Variants in TMED3 observed in about 807,000 individuals in gnomAD.
TMED3 encodes transmembrane p24 trafficking protein 3.
Under a neutral mutation model 15.0 loss-of-function variants are expected in TMED3, and 9 were observed. The ratio of observed to expected loss-of-function variants is 0.60; its 90% confidence interval spans 0.36 to 1.04. The LOEUF (loss-of-function observed/expected upper bound fraction) is 1.04, where lower values mean the gene tolerates loss of function less well. Among genes scored for constraint, TMED3 ranks in the 50% least tolerant of loss-of-function variants. TMED3 has a pLI of 0.01. For missense variants in TMED3, 267 were observed against 278.9 expected (o/e 0.96, Z 0.30); for synonymous variants, 117 against 121.4 (o/e 0.96, Z 0.24).
intron 2 of TMED3, among the ~76,000 whole-genome samples, chr15:79,362,946 G>A (rs1893160403): frequency 6.6e-6 from 1 of 152,162 alleles, no homozygotes; most frequent in South Asian, 2.1e-4. Flanking sequence ...AAAAAAGAGG[G>A]ATAAGATAAT....
chr15:79,331,334 C>G (rs2058807308), intron 2 of TMED3, among the ~76,000 whole-genome samples: 2 of 152,044 alleles, frequency 1.3e-5, no homozygotes, highest in Admixed American at 1.3e-4. Flanking sequence ...ATAAATGGTG[C>G]TGAAAAAACT....
chr15:79,384,358 A>G (rs1507676), intron 2 of TMED3: 147,171 of 152,324 alleles, frequency 0.97, 71,326 homozygotes, highest in East Asian at 1. Flanking sequence ...TGTAAATGCC[A>G]CAAGTAAAGG....
chr15:79,364,085 T>G (rs1272416802), intron 2 of TMED3, among the ~76,000 whole-genome samples: 1 of 152,180 alleles, frequency 6.6e-6, no homozygotes, highest in Non-Finnish European at 1.5e-5. Flanking sequence ...TGGAGTAGTA[T>G]TTTTTAAGCA....
chr15:79,323,773 A>T (rs2058777480), downstream of TMED3, among the ~76,000 whole-genome samples: 1 of 152,198 alleles, frequency 6.6e-6, no homozygotes, highest in African/African-American at 2.4e-5. Context: ...AGGTTCTTTC[A>T]ACCTTAAAAA....
chr15:79,355,174 A>T (rs1043730169), intron 2 of TMED3, among the ~76,000 whole-genome samples: 2 of 152,202 alleles, frequency 1.3e-5, no homozygotes, highest in Admixed American at 6.5e-5. Flanking sequence ...CCAATTAAGT[A>T]ACTCCAAAAC....
intron 2 of TMED3, among the ~76,000 whole-genome samples, chr15:79,398,185 A>C (rs1893786818): frequency 6.6e-6 from 1 of 151,890 alleles, no homozygotes. Context: ...TGATTTCTTT[A>C]CTGTCTCCAT....
Position 79,311,845 on chromosome 15 carries a change from T to C in TMED3, c.168+428T>C, listed in dbSNP as rs113158891. On this transcript the variant is annotated intron_variant, in intron 1 of 2. Transcript: ENST00000299705. The stretch of plus-strand genomic sequence containing the variant: ...GCAAGAGGAAGTGGGCTCATAGTTT[T>C]AGTTTATTCCTCCCCTCTCCAGCGT... Among the ~76,000 whole-genome samples, 63 of 152,308 alleles carry C rather than the reference T, an allele frequency of 4.1e-4. 1 individual carries two copies. The highest frequency in any genetic ancestry group is 1.4e-3 in the African/African-American group (58 of 41,570).
chr15:79,388,533 C>T (rs577413753), intron 2 of TMED3, among the ~76,000 whole-genome samples: 1 of 152,118 alleles, frequency 6.6e-6, no homozygotes, highest in East Asian at 1.9e-4. Flanking sequence ...CATGATTTTG[C>T]AATTGCAAAT....
intron 2 of TMED3, among the ~76,000 whole-genome samples, chr15:79,338,833 G>A (rs1225349634): frequency 6.6e-6 from 1 of 152,150 alleles, no homozygotes; most frequent in Non-Finnish European, 1.5e-5. Flanking sequence ...GAAGACACCC[G>A]TTGCCAGGCG....
At chr15:79,314,027 G>A (rs575293289) in intron 2 of TMED3, 22 bp downstream of exon 2, 39 of 1,613,198 alleles carry the variant, frequency 2.4e-5, no homozygotes, top group African/African-American at 4.0e-5. Context: ...TTAGCAGTTC[G>A]GGGCTGCTGA....
intron 2 of TMED3, among the ~76,000 whole-genome samples, chr15:79,410,037 C>T (rs1381515399): frequency 6.6e-6 from 1 of 151,858 alleles, no homozygotes; most frequent in African/African-American, 2.4e-5. Context: ...TTCACTACAC[C>T]CTATGCTCCT....
At chr15:79,355,391 G>T (rs900374476) in intron 2 of TMED3, among the ~76,000 whole-genome samples, 3 of 152,176 alleles carry the variant, frequency 2.0e-5, no homozygotes, top group African/African-American at 7.2e-5. Context: ...CCGTAGGTTA[G>T]GTGGCTGGGC....
chr15:79,400,090 G>A (rs1221492794), intron 2 of TMED3, among the ~76,000 whole-genome samples: 4 of 152,160 alleles, frequency 2.6e-5, no homozygotes, highest in African/African-American at 9.7e-5. Flanking sequence ...TCTCACTGAG[G>A]TCTAGCTAAA....
At chr15:79,318,569 T>C (rs2058750807) in intron 2 of TMED3, among the ~76,000 whole-genome samples, 1 of 152,228 alleles carries the variant, frequency 6.6e-6, no homozygotes, top group African/African-American at 2.4e-5. Context: ...TGTTACCAAG[T>C]CTGCCTGTAT....
intron 2 of TMED3, among the ~76,000 whole-genome samples, chr15:79,321,092 T>C (rs1384611718): frequency 5.9e-5 from 9 of 152,362 alleles, no homozygotes; most frequent in Non-Finnish European, 1.2e-4. Context: ...GCTTCAGAAC[T>C]GTCTTGACTT....
chr15:79,322,195 G>A lies in TMED3; in HGVS notation c.635G>A (p.Ser212Asn). 1 of 1,613,936 alleles carries A rather than the reference G, an allele frequency of 6.2e-7. No individual in the cohort carries two copies. The highest frequency in any genetic ancestry group is 2.2e-5 in the East Asian group (1 of 44,874). ...TTCTTCACAGAAAAACGACCCATCA[G>A]CAGGGCAGTCCACTCCTAGCCCCGG... The part of the protein sequence containing the change: ...KSFFTEKRPI[S>N]RAVHS Residue 212 changes from serine (S) to asparagine (N), a missense_variant, in exon 3 of 3, where the codon AGC becomes AAC. Transcript: ENST00000299705.
chr15:79,325,217 A>G (rs1463189715), downstream of TMED3, among the ~76,000 whole-genome samples: 1 of 152,226 alleles, frequency 6.6e-6, no homozygotes, highest in Non-Finnish European at 1.5e-5. Context: ...TTTAAGAGAC[A>G]GTAGAGCTTC....
chr15:79,324,079 C>G (rs751849715), downstream of TMED3, among the ~76,000 whole-genome samples: 52 of 152,226 alleles, frequency 3.4e-4, no homozygotes, highest in Admixed American at 1.0e-3. Flanking sequence ...CAACCTCCCC[C>G]TCCTGGGTTT....
chr15:79,314,266 C>CT (rs1446477131), intron 2 of TMED3, among the ~76,000 whole-genome samples: 1 of 152,210 alleles, frequency 6.6e-6, no homozygotes, highest in Admixed American at 6.5e-5. Flanking sequence ...CCCACTCAGT[C>CT]TTTTGCACAG....
Sources: gnomAD v4.1 joint callset for allele counts (sites outside exome capture counted in the v4.1 genomes callset) on GRCh38, gnomAD v4.1.1 for gene constraint, MANE v1.5 for transcripts, NCBI Gene and HGNC (gene_info 2026-07-23, HGNC 2026-07-21) for gene names.